Variants in DOK6 observed in about 807,000 individuals in gnomAD.
DOK6 encodes downstream of tyrosine kinase 6.
Under a neutral mutation model 44.0 loss-of-function variants are expected in DOK6, and 22 were observed. The ratio of observed to expected loss-of-function variants is 0.50; its 90% confidence interval spans 0.36 to 0.71. The LOEUF (loss-of-function observed/expected upper bound fraction) is 0.71. Among genes scored for constraint, DOK6 ranks in the 30% least tolerant of loss-of-function variants. DOK6 has a pLI of 0.00. For missense variants in DOK6, 340 were observed against 416.4 expected (o/e 0.82, Z 1.60); for synonymous variants, 166 against 145.5 (o/e 1.14, Z -1.01).
intron 4 of DOK6, among the ~76,000 whole-genome samples, chr18:69,683,933 T>C (rs1986095350): frequency 6.6e-6 from 1 of 152,198 alleles, no homozygotes; most frequent in African/African-American, 2.4e-5. Context: ...CATGTATTCA[T>C]ATCCTGTGGG....
chr18:69,417,895 TCA>T, intron 1 of DOK6, among the ~76,000 whole-genome samples: 1 of 152,196 alleles, frequency 6.6e-6, no homozygotes, highest in Non-Finnish European at 1.5e-5. Flanking sequence ...CCATTTTTAA[TCA>T]GATTGTTTGT....
At position 69,800,550 on chromosome 18, in the gene DOK6, G is replaced by C. The variant is rs140884677; in HGVS notation, c.857-40694G>C. Among the ~76,000 whole-genome samples the C allele has an allele frequency of 1.3e-3, 204 of 152,162 alleles. 1 individual carries two copies. Among genetic ancestry groups the C allele is most frequent in the African/African-American group, 4.7e-3 (196 of 41,524 alleles). ...TTATTTTGTCAGAACTGGTTATTTGGGGGGAAAAGGGTTCATGTGAATATT... is the reference window on the plus strand; with the variant it reads ...TTATTTTGTCAGAACTGGTTATTTGCGGGGAAAAGGGTTCATGTGAATATT... On this transcript the variant is annotated intron_variant, in intron 7 of 7. Coordinates refer to ENST00000382713, the MANE Select transcript of DOK6 (RefSeq NM_152721.6).
chr18:69,636,292 G>A (rs1217504419), intron 3 of DOK6, among the ~76,000 whole-genome samples: 2 of 152,118 alleles, frequency 1.3e-5, no homozygotes, highest in African/African-American at 4.8e-5. Context: ...ACTTTATAAT[G>A]GAATATTCGG....
rs544942838 is a variant in DOK6, at chr18:69,597,219, A to G, written c.175-2165A>G. On this transcript the variant is annotated intron_variant, in intron 2 of 7. Coordinates refer to ENST00000382713, the MANE Select transcript of DOK6 (RefSeq NM_152721.6). ...TCACTGGAACACAATATCAATCTAAAGCTAATTCTGATATGTTAAAATATT... is the reference window on the plus strand; with the variant it reads ...TCACTGGAACACAATATCAATCTAAGGCTAATTCTGATATGTTAAAATATT... 1.9e-3 allele frequency among the ~76,000 whole-genome samples: 294 copies of G among 152,300 alleles called. 2 individuals are homozygous for G. The highest frequency in any genetic ancestry group is 3.2e-3 in the Non-Finnish European group (219 of 68,000).
At chr18:69,684,657 A>G (rs577718384) in intron 4 of DOK6, among the ~76,000 whole-genome samples, 1 of 152,178 alleles carries the variant, frequency 6.6e-6, no homozygotes, top group Non-Finnish European at 1.5e-5. Context: ...TGGGAGGTCA[A>G]GTGGGTAGTG....
rs1034691566 is a variant in DOK6, at chr18:69,841,519, G to A, written c.*136G>A. 9.0e-6 allele frequency: 11 copies of A among 1,224,474 alleles called. No homozygotes were observed. The highest frequency in any genetic ancestry group is 1.2e-5 in the Non-Finnish European group (11 of 921,606). 75.9% of individuals were successfully genotyped at this position (1,224,474 alleles called of 1,614,324 possible). A position where few individuals can be genotyped will look rare whatever the true frequency, so the allele number is the denominator to read the frequency against. Reference sequence around the variant, plus strand: ...GGCTCTAGCCCCAGTCCCATTGGAAGGTTAAAAACTGGAGTTCTGCTTCCT... The same window carrying A: ...GGCTCTAGCCCCAGTCCCATTGGAAAGTTAAAAACTGGAGTTCTGCTTCCT... On this transcript the variant is annotated 3_prime_UTR_variant, in exon 8 of 8. Coordinates refer to ENST00000382713, the MANE Select transcript of DOK6 (RefSeq NM_152721.6).
intron 1 of DOK6, among the ~76,000 whole-genome samples, chr18:69,423,076 G>T (rs1315148892): frequency 6.6e-6 from 1 of 152,134 alleles, no homozygotes; most frequent in Non-Finnish European, 1.5e-5. Flanking sequence ...GACTGAAGTG[G>T]GAAGATCGCT....
At chr18:69,576,810 G>A (rs1188893057) in intron 2 of DOK6, among the ~76,000 whole-genome samples, 3 of 152,204 alleles carry the variant, frequency 2.0e-5, no homozygotes, top group African/African-American at 4.8e-5. Context: ...AACTGAACTA[G>A]AGCAATTTAC....
At chr18:69,416,233 A>G (rs1978340378) in intron 1 of DOK6, among the ~76,000 whole-genome samples, 1 of 151,862 alleles carries the variant, frequency 6.6e-6, no homozygotes. Context: ...AAGGAAGGAA[A>G]CAAAGGGTGG....
At chr18:69,659,861 TATATAA>T (rs869300612) in intron 3 of DOK6, 5,237 of 31,684 alleles carry the variant, frequency 0.17, 1,876 homozygotes, top group Non-Finnish European at 0.25. Context: ...TATATATATA[TATATAA>T]AACATATATG....
chr18:69,445,827 A>T (rs1038042814), intron 1 of DOK6, among the ~76,000 whole-genome samples: 1 of 152,176 alleles, frequency 6.6e-6, no homozygotes, highest in East Asian at 1.9e-4. Flanking sequence ...CCAAGGTCAC[A>T]GTGAGCTATG....
At chr18:69,696,066 G>C (rs535457557) in intron 4 of DOK6, among the ~76,000 whole-genome samples, 2 of 152,124 alleles carry the variant, frequency 1.3e-5, no homozygotes, top group Non-Finnish European at 2.9e-5. Context: ...TATACATAGC[G>C]ATAGAGACAG....
At chr18:69,739,255 A>G (rs551692353) in intron 6 of DOK6, 152 bp downstream of exon 6, 1 of 976,264 alleles carries the variant, frequency 1.0e-6, no homozygotes, top group East Asian at 2.6e-5. Context: ...CATCTCTCTA[A>G]TATCCTATTC....
At chr18:69,560,522 A>G (rs1410457626) in intron 1 of DOK6, among the ~76,000 whole-genome samples, 1 of 152,204 alleles carries the variant, frequency 6.6e-6, no homozygotes, top group East Asian at 1.9e-4. Flanking sequence ...ATTCAATGGA[A>G]TAAACGGTTT....
chr18:69,630,414 A>G (rs2144645580), intron 3 of DOK6, among the ~76,000 whole-genome samples: 1 of 152,336 alleles, frequency 6.6e-6, no homozygotes, highest in South Asian at 2.1e-4. Context: ...AACATTTAGT[A>G]GCATTTATGT....
chr18:69,653,887 TA>T (rs1985295398), intron 3 of DOK6, among the ~76,000 whole-genome samples: 1 of 117,960 alleles, frequency 8.5e-6, no homozygotes, highest in African/African-American at 3.1e-5. Flanking sequence ...TTCAATTAAA[TA>T]CCACCAATCA....
chr18:69,793,940 G>A (rs895265917), intron 7 of DOK6, among the ~76,000 whole-genome samples: 1 of 152,014 alleles, frequency 6.6e-6, no homozygotes, highest in African/African-American at 2.4e-5. Flanking sequence ...TTCTTGTTTT[G>A]TTGAGATGCT....
chr18:69,535,570 A>AATATATGTATGTGATTC (rs138253874), intron 1 of DOK6, among the ~76,000 whole-genome samples: 16,697 of 151,676 alleles, frequency 0.11, 1,265 homozygotes, highest in South Asian at 0.29. Context: ...TACTCAGTTG[A>AATATATGTATGTGATTC]ATATATATAT....
At chr18:69,753,247 A>G (rs929007393) in intron 6 of DOK6, among the ~76,000 whole-genome samples, 2 of 152,230 alleles carry the variant, frequency 1.3e-5, no homozygotes, top group Non-Finnish European at 2.9e-5. Context: ...GAAAAACACA[A>G]GGAACCCACC....
Sources: gnomAD v4.1 joint callset for allele counts (sites outside exome capture counted in the v4.1 genomes callset) on GRCh38, gnomAD v4.1.1 for gene constraint, MANE v1.5 for transcripts, NCBI Gene and HGNC (gene_info 2026-07-23, HGNC 2026-07-21) for gene names.